The following STKLD1 variants were observed in gnomAD, a reference collection of about 807,000 sequenced individuals.
The protein encoded by STKLD1 is serine/threonine kinase like domain containing 1, also known as serine/threonine kinase-like domain-containing protein STKLD1.
A neutral mutation model predicts 80.4 loss-of-function variants in STKLD1; 79 were observed. That is an observed-to-expected ratio of 0.98 (90% CI 0.82 to 1.19). The LOEUF is 1.19. STKLD1 is among the 50% of genes most tolerant of loss of function. STKLD1 has a pLI of 0.00. For missense variants in STKLD1, 841 were observed against 856.0 expected (o/e 0.98, Z 0.22); for synonymous variants, 393 against 357.6 (o/e 1.10, Z -1.12).
chr9:133,402,892 T>A lies in STKLD1; in HGVS notation c.1354T>A (p.Ser452Thr). ...ITTTQESESL[S>T]EELQNAGLLE... is the part of the protein sequence containing the mutation. ...CTCACCCACAGAGTCAGAGTCACTG[T>A]CAGAGGAGCTGCAGAATGCTGGGCT... Residue 452 changes from serine (S) to threonine (T), a missense_variant, in exon 14 of 18, where the codon TCA becomes ACA. Transcript: ENST00000371957. 6.3e-7 allele frequency: 1 copy of A among 1,595,082 alleles called. No individual in the cohort carries two copies. The highest frequency in any genetic ancestry group is 8.5e-7 in the Non-Finnish European group (1 of 1,171,268).
intron 2 of STKLD1, among the ~76,000 whole-genome samples, chr9:133,383,235 TGATGATGGTGATGGTGGTGGTGTTGGA>T: frequency 6.9e-6 from 1 of 145,922 alleles, no homozygotes; most frequent in African/African-American, 2.5e-5. Context: ...GTGATGATAG[TGATGATGGTGATGGTGGTGGTGTTGGA>T]GTGATGGTGG....
At chr9:133,383,565 TTAA>T (rs1838201380) in intron 2 of STKLD1, among the ~76,000 whole-genome samples, 5 of 5,660 alleles carry the variant, frequency 8.8e-4, no homozygotes, top group African/African-American at 2.0e-3. Flanking sequence ...AATGATGATG[TTAA>T]TGATGGTGAT....
chr9:133,402,869 C>T lies in STKLD1; in HGVS notation c.1340-9C>T, dbSNP rs911300057. The T allele has an allele frequency of 6.3e-7, 1 of 1,595,246 alleles. No individual in the cohort carries two copies. The highest frequency in any genetic ancestry group is 1.7e-5 in the Admixed American group (1 of 58,014). ...GGGCCCTGGGGCCCTCATTCTGGCT[C>T]ACCCACAGAGTCAGAGTCACTGTCA... is the stretch of plus-strand genomic sequence containing the variant. On this transcript the variant is annotated splice_polypyrimidine_tract_variant and intron_variant, in intron 13 of 17. Transcript: ENST00000371957.
At position 133,400,487 on chromosome 9, in the gene STKLD1, C is replaced by T. The variant is rs782277807; in HGVS notation, c.1156C>T (p.Gln386Ter). The change falls in exon 12 of 18, where the codon CAG becomes TAG. Residue 386 changes from glutamine to a stop codon, truncating the protein, a stop_gained. Coordinates refer to ENST00000371957, the MANE Select transcript of STKLD1 (RefSeq NM_153710.5). LOFTEE classifies it high-confidence loss of function. ...MELHDRVLDV[Q>*]LCACSLLLHL... ...GCTACATGACAGGGTCCTCGATGTC[C>T]AGCTGTGTGCCTGCTCCCTGCTGCT... 1 of 1,613,506 alleles carries T rather than the reference C, an allele frequency of 6.2e-7. No individual in the cohort carries two copies. Among genetic ancestry groups the T allele is most frequent in the Non-Finnish European group, 8.5e-7 (1 of 1,180,006 alleles).
intron 1 of STKLD1, among the ~76,000 whole-genome samples, chr9:133,378,178 C>T (rs1261509710): frequency 1.3e-5 from 2 of 152,154 alleles, no homozygotes; most frequent in African/African-American, 2.4e-5. Context: ...GGTTGGGGAC[C>T]CCTGGCTTAG....
At chr9:133,405,193 C>A in intron 17 of STKLD1, 59 bp from the exon 18 acceptor site, 1 of 1,531,460 alleles carries the variant, frequency 6.5e-7, no homozygotes, top group South Asian at 1.3e-5. Flanking sequence ...CCTTCTGGGG[C>A]TTCTGGCAAG....
At chr9:133,383,371 A>G (rs1461961130) in intron 2 of STKLD1, among the ~76,000 whole-genome samples, 4 of 2,166 alleles carry the variant, frequency 1.8e-3, no homozygotes, top group Admixed American at 3.9e-3. Context: ...GATGGCAGTG[A>G]TGATGGTAAT....
At chr9:133,400,048 G>A (rs1554777342) in intron 11 of STKLD1, among the ~76,000 whole-genome samples, 1 of 152,130 alleles carries the variant, frequency 6.6e-6, no homozygotes, top group Non-Finnish European at 1.5e-5. Context: ...AGGGTGGATG[G>A]AGCCCACCCA....
chr9:133,402,080 C>T (rs1008098213), intron 13 of STKLD1, among the ~76,000 whole-genome samples: 1 of 152,206 alleles, frequency 6.6e-6, no homozygotes, highest in Non-Finnish European at 1.5e-5. Context: ...TGACAAGCTT[C>T]CACTCTTGAA....
At chr9:133,397,928 C>T (rs782235983) in intron 10 of STKLD1, 44 bp from the exon 11 acceptor site, 2 of 1,561,022 alleles carry the variant, frequency 1.3e-6, no homozygotes, top group East Asian at 2.3e-5. Flanking sequence ...CCCCGAGGCC[C>T]TGGTCCTCAG....
intron 1 of STKLD1, among the ~76,000 whole-genome samples, chr9:133,377,289 C>T (rs2130253325): frequency 1.3e-5 from 2 of 152,146 alleles, no homozygotes; most frequent in Admixed American, 6.5e-5. Context: ...ATTCGAGATA[C>T]GGCTCCATTT....
In STKLD1 at chr9:133,376,543, C is replaced by T. The variant is rs2130249207; in HGVS notation, c.70C>T (p.Pro24Ser). The change falls in exon 1 of 18, where the codon CCC (proline) becomes TCC (serine). Residue 24 changes from proline to serine, a missense_variant. Pro to Ser is a moderately conservative substitution (Grantham distance 74, BLOSUM62 -1). Transcript: ENST00000371957. ...GERGPGSPGE[P>S]MEKYQVLYQL... ...GCGAGGCCCAGGGTCCCCCGGAGAG[C>T]CCATGGAGAAGTACCAGGTGCCGAG... 3.5e-5 allele frequency: 56 copies of T among 1,598,798 alleles called. No individual in the cohort carries two copies. In the African/African-American group the frequency reaches 5.0e-4, roughly 14 times the overall value.
At chr9:133,379,152 C>A in intron 2 of STKLD1, 30 bp downstream of exon 2, 1 of 1,591,010 alleles carries the variant, frequency 6.3e-7, no homozygotes. Context: ...CATCCCATGC[C>A]GGGTGGTTCT....
In STKLD1 at chr9:133,400,415, C is replaced by T; in HGVS notation, c.1084C>T (p.Leu362=). 1 of 1,612,000 alleles carries T rather than the reference C, an allele frequency of 6.2e-7. No homozygotes were observed. Residue 362 remains leucine, a splice_region_variant and synonymous_variant, in exon 12 of 18, where the codon CTG becomes TTG. Coordinates refer to ENST00000371957, the MANE Select transcript of STKLD1 (RefSeq NM_153710.5). ...CCCTGTGCCGCCCGCCCTGCCAGGTCTGCCGTGGCCCCCGGAGCTGGTGGA... is the reference window on the plus strand; with the variant it reads ...CCCTGTGCCGCCCGCCCTGCCAGGTTTGCCGTGGCCCCCGGAGCTGGTGGA... ...LLKMPADQLG[L]PWPPELVEVV...
At chr9:133,392,281 A>G (rs1306879569) in intron 7 of STKLD1, among the ~76,000 whole-genome samples, 3 of 151,840 alleles carry the variant, frequency 2.0e-5, no homozygotes, top group East Asian at 1.9e-4. Context: ...GGGTTTCACC[A>G]TGGTCTCGAT....
At chr9:133,391,074 C>T (rs921277475) in intron 7 of STKLD1, among the ~76,000 whole-genome samples, 7 of 152,146 alleles carry the variant, frequency 4.6e-5, no homozygotes, top group African/African-American at 1.7e-4. Flanking sequence ...AATGTTGCCT[C>T]TCATGGAGGG....
rs1418503337 is a variant in STKLD1 at position 133,385,847 on chromosome 9, C to T, written c.294+156C>T. Among the ~76,000 whole-genome samples, 1 of 152,136 alleles carries T rather than the reference C, an allele frequency of 6.6e-6. No individual in the cohort carries two copies. The highest frequency in any genetic ancestry group is 1.5e-5 in the Non-Finnish European group (1 of 68,026). On this transcript the variant is annotated intron_variant, in intron 4 of 17. Coordinates refer to ENST00000371957, the MANE Select transcript of STKLD1 (RefSeq NM_153710.5). The surrounding 1 kb of genome is among the most constrained non-coding windows in gnomAD (Gnocchi z 4.9). ...GTGGCCACCCCTGACCTAACACTCACTGGGGCCAGGTACCATGCTGGGGGC... is the reference window on the plus strand; with the variant it reads ...GTGGCCACCCCTGACCTAACACTCATTGGGGCCAGGTACCATGCTGGGGGC...
At position 133,394,103 on chromosome 9, in the gene STKLD1, T is replaced by C. The variant is rs187576719; in HGVS notation, c.584-188T>C. 160 of 624,306 alleles carry C rather than the reference T, an allele frequency of 2.6e-4. No individual in the cohort carries two copies. Among genetic ancestry groups the C allele is most frequent in the African/African-American group, 2.4e-3 (134 of 54,916 alleles). The allele number at this position is 624,306 out of a possible 1,614,324, so 38.7% of individuals were successfully genotyped here. Reference sequence around the variant, plus strand: ...CAGATCAACACAAAGCTCCCGCTGATTGGGGCCTCTTCCTCCCCACAGTTA... The same window carrying C: ...CAGATCAACACAAAGCTCCCGCTGACTGGGGCCTCTTCCTCCCCACAGTTA... On this transcript the variant is annotated intron_variant, in intron 7 of 17. Transcript: ENST00000371957. The surrounding 1 kb of genome is among the most constrained non-coding windows in gnomAD (Gnocchi z 4.9).
chr9:133,380,942 C>A (rs2130264580), intron 2 of STKLD1, among the ~76,000 whole-genome samples: 5 of 152,212 alleles, frequency 3.3e-5, no homozygotes, highest in African/African-American at 1.2e-4. Context: ...CCCAAGCCAT[C>A]CCTATCACAT....
Sources: gnomAD v4.1 joint callset for allele counts (sites outside exome capture counted in the v4.1 genomes callset) on GRCh38, gnomAD v4.1.1 for gene constraint, Gnocchi (gnomAD v3.1) non-coding constraint, MANE v1.5 for transcripts, NCBI Gene and HGNC (gene_info 2026-07-23, HGNC 2026-07-21) for gene names.